CHMP2B: variants seen among roughly 807,000 people sequenced by gnomAD.
CHMP2B encodes the protein charged multivesicular body protein 2B, also known as VPS2 homolog B.
A neutral mutation model predicts 29.8 loss-of-function variants in CHMP2B; 22 were observed. The observed-to-expected ratio is 0.74, with a 90% confidence interval of 0.53 to 1.05. The LOEUF (loss-of-function observed/expected upper bound fraction) is 1.05, where lower values mean the gene tolerates loss of function less well. Ranked by LOEUF, CHMP2B falls within the 50% of genes least tolerant of loss-of-function variation. The pLI, the probability that CHMP2B is intolerant of heterozygous loss-of-function variation, is 0.00. For synonymous variants in CHMP2B, 78 were observed against 75.8 expected (o/e 1.03, Z -0.15); for missense variants, 261 against 252.2 (o/e 1.03, Z -0.24).
chr3:87,241,340 G>A (rs933984672), intron 2 of CHMP2B, among the ~76,000 whole-genome samples: 2 of 152,174 alleles, frequency 1.3e-5, no homozygotes, highest in East Asian at 1.9e-4. Context: ...TATTTCAGGT[G>A]TACAATTTGA....
At chr3:87,235,564 A>G (rs1177923973) in intron 1 of CHMP2B, among the ~76,000 whole-genome samples, 2 of 152,160 alleles carry the variant, frequency 1.3e-5, no homozygotes, top group African/African-American at 2.4e-5. Flanking sequence ...TTTTCCTTTT[A>G]TGATATACAG....
rs968454540 is a variant in CHMP2B at position 87,240,544 on chromosome 3, A to C, written c.35-155A>C. 1.3e-5 allele frequency: 8 copies of C among 594,462 alleles called. No homozygotes were observed. The Admixed American group carries it at 1.7e-4, about 13-fold the overall frequency. The allele number at this position is 594,462 out of a possible 1,614,324, so 36.8% of individuals were successfully genotyped here. A position where few individuals can be genotyped will look rare whatever the true frequency, so the allele number is the denominator to read the frequency against. Reference sequence around the variant, plus strand: ...AGGCTGGTCTCGAACTCCTGACCTCAGGTGATCCACCCAAAGTGCTGCGAT... The same window carrying C: ...AGGCTGGTCTCGAACTCCTGACCTCCGGTGATCCACCCAAAGTGCTGCGAT... On this transcript the variant is annotated intron_variant, in intron 1 of 5. Transcript: ENST00000263780.
chr3:87,240,888 G>C, intron 2 of CHMP2B, 98 bp downstream of exon 2: 1 of 856,692 alleles, frequency 1.2e-6, no homozygotes. Context: ...ATGGCAGGTG[G>C]TAAGTGATTT....
rs1706358075 is a variant in CHMP2B at position 87,253,910 on chromosome 3, T to G, written c.*88T>G. Reference sequence around the variant, plus strand: ...GATTTCTTTTACAAAACACATGTATTTTGCAAAAAAAAAAAAAATGAAGAC... The same window carrying G: ...GATTTCTTTTACAAAACACATGTATGTTGCAAAAAAAAAAAAAATGAAGAC... On this transcript the variant is annotated 3_prime_UTR_variant, in exon 6 of 6. Coordinates refer to ENST00000263780, the MANE Select transcript of CHMP2B (RefSeq NM_014043.4). 1 of 926,560 alleles carries G rather than the reference T, an allele frequency of 1.1e-6. No individual in the cohort carries two copies. Among genetic ancestry groups the G allele is most frequent in the African/African-American group, 1.7e-5 (1 of 59,344 alleles). The allele number at this position is 926,560 out of a possible 1,614,324, so 57.4% of individuals were successfully genotyped here. A position where few individuals can be genotyped will look rare whatever the true frequency, so the allele number is the denominator to read the frequency against.
At chr3:87,235,406 C>T (rs1352291107) in intron 1 of CHMP2B, among the ~76,000 whole-genome samples, 1 of 152,066 alleles carries the variant, frequency 6.6e-6, no homozygotes, top group African/African-American at 2.4e-5. Flanking sequence ...TCTTTTCCTA[C>T]TTACCATAAT....
In CHMP2B at chr3:87,236,548, G is replaced by A. The variant is rs565144444; in HGVS notation, c.35-4151G>A. On this transcript the variant is annotated intron_variant, in intron 1 of 5. Coordinates refer to ENST00000263780, the MANE Select transcript of CHMP2B (RefSeq NM_014043.4). The stretch of plus-strand genomic sequence containing the variant: ...TGTCTTTCTGAGCAGTATTGTTGTA[G>A]CTTGTATAAGACCATCATCACCACC... Among the ~76,000 whole-genome samples, 9 of 152,050 alleles carry A rather than the reference G, an allele frequency of 5.9e-5. No individual in the cohort carries two copies. The South Asian group carries it at 1.7e-3, about 28-fold the overall frequency.
chr3:87,247,402 C>CCCCA (rs1706234106), intron 3 of CHMP2B, among the ~76,000 whole-genome samples: 1 of 152,164 alleles, frequency 6.6e-6, no homozygotes, highest in Admixed American at 6.5e-5. Flanking sequence ...GAACACTGGG[C>CCCCA]AGCATGTTAA....
intron 1 of CHMP2B, among the ~76,000 whole-genome samples, chr3:87,233,366 G>T (rs1210742549): frequency 6.6e-6 from 1 of 151,994 alleles, no homozygotes; most frequent in African/African-American, 2.4e-5. Flanking sequence ...AGTAAATCTT[G>T]TTCCTAGAAC....
Position 87,253,852 on chromosome 3 carries a change from T to G in CHMP2B, c.*30T>G. On this transcript the variant is annotated 3_prime_UTR_variant, in exon 6 of 6. Transcript: ENST00000263780. ...AAGAAGTCATACTATTTTGCTTACT[T>G]ATAATTATGTAGTATAAACCAAGCA... 4.0e-6 allele frequency: 6 copies of G among 1,501,960 alleles called. No individual in the cohort carries two copies. The highest frequency in any genetic ancestry group is 5.6e-6 in the Non-Finnish European group (6 of 1,080,038). 93.0% of individuals were successfully genotyped at this position (1,501,960 alleles called of 1,614,324 possible).
chr3:87,252,337 A>G (rs1234541517), intron 4 of CHMP2B, among the ~76,000 whole-genome samples: 3 of 151,772 alleles, frequency 2.0e-5, no homozygotes, highest in African/African-American at 4.8e-5. Flanking sequence ...TTCCCCAGAT[A>G]CCAGGAGAGG....
intron 1 of CHMP2B, among the ~76,000 whole-genome samples, chr3:87,235,833 T>G (rs1476388354): frequency 6.6e-6 from 1 of 152,206 alleles, no homozygotes; most frequent in African/African-American, 2.4e-5. Context: ...AGATGCCACT[T>G]GAAAGACGCA....
chr3:87,246,690 A>G (rs117347856), intron 3 of CHMP2B, among the ~76,000 whole-genome samples: 1 of 152,230 alleles, frequency 6.6e-6, no homozygotes, highest in Non-Finnish European at 1.5e-5. Context: ...GTATACACAC[A>G]CAAACACATT....
chr3:87,240,162 C>G (rs952071480), intron 1 of CHMP2B, among the ~76,000 whole-genome samples: 2 of 152,004 alleles, frequency 1.3e-5, no homozygotes, highest in Middle Eastern at 6.3e-3. Flanking sequence ...GGTTAAATCT[C>G]AGACTGTAGC....
At chr3:87,237,706 T>C (rs890535804) in intron 1 of CHMP2B, among the ~76,000 whole-genome samples, 4 of 152,226 alleles carry the variant, frequency 2.6e-5, no homozygotes, top group African/African-American at 9.6e-5. Context: ...ACCCATGTAT[T>C]AAACATTCCC....
chr3:87,233,097 G>T (rs923602880), intron 1 of CHMP2B, among the ~76,000 whole-genome samples: 2 of 152,128 alleles, frequency 1.3e-5, no homozygotes, highest in African/African-American at 4.8e-5. Context: ...TTTAAACCTG[G>T]TTCTTAAGTT....
In CHMP2B at chr3:87,253,808, T is replaced by C; in HGVS notation, c.628T>C (p.Leu210=). 1.2e-6 allele frequency: 2 copies of C among 1,611,248 alleles called. No individual in the cohort carries two copies. The highest frequency in any genetic ancestry group is 1.7e-6 in the Non-Finnish European group (2 of 1,177,758). ...DEEIERQLKA[L]GVD ...AGAGATTGAACGGCAACTCAAGGCT[T>C]TAGGAGTAGATTAGTCAAAAGAAGT... The change falls in exon 6 of 6, where the codon TTA becomes CTA. Residue 210 remains leucine (L), a synonymous_variant. Transcript: ENST00000263780.
chr3:87,243,699 T>C (rs912443788), intron 2 of CHMP2B, among the ~76,000 whole-genome samples: 2 of 152,224 alleles, frequency 1.3e-5, no homozygotes, highest in Non-Finnish European at 2.9e-5. Context: ...ATCTGTCTTA[T>C]TGAATGAGCT....
chr3:87,245,763 A>G lies in CHMP2B; in HGVS notation c.176A>G (p.Lys59Arg), dbSNP rs143800051. 7 of 1,613,766 alleles carry G rather than the reference A, an allele frequency of 4.3e-6. No individual in the cohort carries two copies. The South Asian group carries it at 4.4e-5, about 10-fold the overall frequency. ...AAGATTGGTAATAAGGAAGCTTGCA[A>G]AGTTTTAGCCAAACAACTTGTGCAT... is the stretch of plus-strand genomic sequence containing the variant. ...MAKIGNKEACKVLAKQLVHLR... is the reference protein window; with the variant it reads ...MAKIGNKEACRVLAKQLVHLR... The change falls in exon 3 of 6, where the codon AAA (lysine) becomes AGA (arginine). Residue 59 changes from lysine to arginine, a missense_variant. Coordinates refer to ENST00000263780, the MANE Select transcript of CHMP2B (RefSeq NM_014043.4).
At position 87,254,057 on chromosome 3, in the gene CHMP2B, T is replaced by C. The variant is rs1225421315; in HGVS notation, c.*235T>C. ...AGAACTGTTTAGGAGTGATGATGTG[T>C]AAAAAGTTGACTTCTCTTTTGCATG... On this transcript the variant is annotated 3_prime_UTR_variant, in exon 6 of 6. Transcript: ENST00000263780. 1 of 411,452 alleles carries C rather than the reference T, an allele frequency of 2.4e-6. No individual in the cohort carries two copies. The highest frequency in any genetic ancestry group is 4.5e-6 in the Non-Finnish European group (1 of 222,582). 25.5% of individuals were successfully genotyped at this position (411,452 alleles called of 1,614,324 possible). A position where few individuals can be genotyped will look rare whatever the true frequency, so the allele number is the denominator to read the frequency against.
Sources: allele counts gnomAD v4.1 joint callset (sites outside exome capture counted in the v4.1 genomes callset), GRCh38; gene constraint gnomAD v4.1.1; transcripts MANE v1.5; gene names NCBI Gene and HGNC (gene_info 2026-07-23, HGNC 2026-07-21).